Variants in IL1RL2 observed in about 807,000 individuals in gnomAD.
The protein encoded by IL1RL2 is interleukin 1 receptor like 2, also known as interleukin-1 receptor-like 2.
IL1RL2 carries 68 observed loss-of-function variants against 66.8 expected under a neutral mutation model. That is an observed-to-expected ratio of 1.02 (90% CI 0.84 to 1.25). The LOEUF is 1.25. IL1RL2 is among the 50% of genes most tolerant of loss of function. The pLI, the probability that IL1RL2 is intolerant of heterozygous loss-of-function variation, is 0.00. For missense variants in IL1RL2, 729 were observed against 709.3 expected (o/e 1.03, Z -0.32); for synonymous variants, 305 against 264.6 (o/e 1.15, Z -1.48).
chr2:102,194,441 C>T (rs1245464816), intron 4 of IL1RL2, among the ~76,000 whole-genome samples: 1 of 152,090 alleles, frequency 6.6e-6, no homozygotes, highest in Non-Finnish European at 1.5e-5. Context: ...TTTTGTGGGA[C>T]ATATTACATG....
rs1314109024 is a variant in IL1RL2, at chr2:102,201,775, T to C, written c.649+60T>C. 1.9e-6 allele frequency: 3 copies of C among 1,542,156 alleles called. No homozygotes were observed. In the East Asian group the frequency reaches 7.0e-5, roughly 36 times the overall value. ...TCTCTTGGCTTTGTGTGAACTGGCT[T>C]CTGGCTTTGGGTTTTGGGCTTTGAG... is the stretch of plus-strand genomic sequence containing the variant. On this transcript the variant is annotated intron_variant, in intron 5 of 11. Coordinates refer to ENST00000264257, the MANE Select transcript of IL1RL2 (RefSeq NM_003854.4).
At chr2:102,220,204 G>T (rs796893794) in intron 8 of IL1RL2, among the ~76,000 whole-genome samples, 187 bp downstream of exon 8, 5 of 152,254 alleles carry the variant, frequency 3.3e-5, no homozygotes, top group African/African-American at 1.2e-4. Context: ...GTGAGGCTGT[G>T]ATTTTATTGC....
At chr2:102,188,183 G>A (rs777504520) in intron 2 of IL1RL2, among the ~76,000 whole-genome samples, 1 of 152,224 alleles carries the variant, frequency 6.6e-6, no homozygotes, top group African/African-American at 2.4e-5. Flanking sequence ...GAAGACTTGA[G>A]TAACAATGCT....
At chr2:102,241,386 C>T (rs1266647978), downstream of IL1RL2, among the ~76,000 whole-genome samples, 2 of 152,134 alleles carry the variant, frequency 1.3e-5, no homozygotes, top group African/African-American at 4.8e-5. Context: ...CACAACTCAA[C>T]CACTTGCTGA....
At chr2:102,207,349 T>A (rs558835064) in intron 5 of IL1RL2, among the ~76,000 whole-genome samples, 7 of 152,168 alleles carry the variant, frequency 4.6e-5, no homozygotes, top group Non-Finnish European at 1.0e-4. Context: ...GTGCTCAGTC[T>A]CACCTAAAGC....
In IL1RL2 at chr2:102,239,529, G is replaced by A; in HGVS notation, c.*288G>A. 1 of 374,238 alleles carries A rather than the reference G, an allele frequency of 2.7e-6. No individual in the cohort carries two copies. The allele number at this position is 374,238 out of a possible 1,614,324, so 23.2% of individuals were successfully genotyped here. A position where few individuals can be genotyped will look rare whatever the true frequency, so the allele number is the denominator to read the frequency against. On this transcript the variant is annotated 3_prime_UTR_variant, in exon 12 of 12. Transcript: ENST00000264257. ...TCGGGGGAGGCATCCCCAAGTCATG[G>A]TGGGTGAGAGCTCGGAGCATCCCCA...
intron 11 of IL1RL2, among the ~76,000 whole-genome samples, chr2:102,236,776 G>A (rs1376553101): frequency 6.6e-6 from 1 of 152,042 alleles, no homozygotes; most frequent in East Asian, 1.9e-4. Flanking sequence ...TTGCTCTGAG[G>A]TAGGACATAA....
chr2:102,195,154 T>G lies in IL1RL2; in HGVS notation c.489+3034T>G, dbSNP rs375110690. Among the ~76,000 whole-genome samples, 114 of 152,316 alleles carry G rather than the reference T, an allele frequency of 7.5e-4. 2 individuals carry two copies. The highest frequency in any genetic ancestry group is 2.7e-3 in the African/African-American group (112 of 41,574). On this transcript the variant is annotated intron_variant, in intron 4 of 11. Transcript: ENST00000264257. Reference sequence around the variant, plus strand: ...CTCATTGATTTGTAGTAGTTCTTTATAGATCTGGATATCAGTAATTGTTAC... The same window carrying G: ...CTCATTGATTTGTAGTAGTTCTTTAGAGATCTGGATATCAGTAATTGTTAC...
intron 9 of IL1RL2, among the ~76,000 whole-genome samples, chr2:102,230,989 CA>C (rs1218731449): frequency 1.3e-5 from 2 of 152,166 alleles, no homozygotes; most frequent in Non-Finnish European, 2.9e-5. Context: ...TCTGCTCATC[CA>C]ACAAACTCTC....
rs146442035 is a variant in IL1RL2 at position 102,207,385 on chromosome 2, G to C, written c.650-4715G>C. ...CAGCAAGTTTCAGATGCTCACCCAA[G>C]GCATTCAATGTAATACCTGGATAAT... On this transcript the variant is annotated intron_variant, in intron 5 of 11. Transcript: ENST00000264257. Among the ~76,000 whole-genome samples the C allele has an allele frequency of 1.3e-4, 20 of 152,244 alleles. No homozygotes were observed. The East Asian group carries it at 3.7e-3, about 28-fold the overall frequency.
intron 5 of IL1RL2, among the ~76,000 whole-genome samples, chr2:102,204,725 A>C (rs1440471959): frequency 1.3e-5 from 2 of 151,632 alleles, no homozygotes; most frequent in African/African-American, 4.8e-5. Context: ...ATCTTTTTTC[A>C]TACCTTTATT....
chr2:102,209,679 C>T (rs17020717), intron 5 of IL1RL2, among the ~76,000 whole-genome samples: 42,672 of 151,968 alleles, frequency 0.28, 6,625 homozygotes, highest in East Asian at 0.39. Context: ...GGCCCTGGGA[C>T]GGTGCAAATG....
At chr2:102,236,362 C>T (rs1039311882) in intron 11 of IL1RL2, among the ~76,000 whole-genome samples, 5 of 152,020 alleles carry the variant, frequency 3.3e-5, no homozygotes, top group Admixed American at 6.6e-5. Flanking sequence ...GCATGGGGAG[C>T]AGGGTGGGTT....
At chr2:102,212,995 A>C (rs573362671) in intron 6 of IL1RL2, among the ~76,000 whole-genome samples, 10 of 152,098 alleles carry the variant, frequency 6.6e-5, no homozygotes, top group African/African-American at 1.5e-4. Flanking sequence ...CAAAACAAAA[A>C]AAATCACTAG....
chr2:102,210,107 G>A lies in IL1RL2; in HGVS notation c.650-1993G>A, dbSNP rs565921123. Among the ~76,000 whole-genome samples the A allele has an allele frequency of 9.3e-4, 141 of 152,272 alleles. 1 individual carries two copies. The highest frequency in any genetic ancestry group is 3.2e-3 in the African/African-American group (131 of 41,560). Reference sequence around the variant, plus strand: ...GGCCTCGTGAGAAAGCAGTGGCTCAGGGAAAGCTTTCTGATAATAGTGATG... The same window carrying A: ...GGCCTCGTGAGAAAGCAGTGGCTCAAGGAAAGCTTTCTGATAATAGTGATG... On this transcript the variant is annotated intron_variant, in intron 5 of 11. Coordinates refer to ENST00000264257, the MANE Select transcript of IL1RL2 (RefSeq NM_003854.4).
intron 5 of IL1RL2, among the ~76,000 whole-genome samples, chr2:102,205,660 C>T (rs1688642812): frequency 1.3e-5 from 2 of 152,122 alleles, no homozygotes; most frequent in Non-Finnish European, 2.9e-5. Context: ...TTTTAGAATC[C>T]TTTCTTTATC....
intron 11 of IL1RL2, chr2:102,235,945 C>T (rs1406110158): frequency 3.0e-6 from 3 of 985,264 alleles, no homozygotes; most frequent in Non-Finnish European, 3.6e-6. Context: ...CTTTATCTGT[C>T]AAACTAAAGC....
In IL1RL2 at chr2:102,235,096, G is replaced by C. The variant is rs1025708679; in HGVS notation, c.1497G>C (p.Glu499Asp). 1.2e-6 allele frequency: 2 copies of C among 1,614,252 alleles called. No homozygotes were observed. The highest frequency in any genetic ancestry group is 1.7e-6 in the Non-Finnish European group (2 of 1,180,054). ...TCGAGGACTACACAGTCATGCCAGA[G>C]TCAATTCAGTACATCAAACAGAAGC... ...EKIEDYTVMP[E>D]SIQYIKQKHG... Residue 499 changes from glutamate to aspartate, a missense_variant, in exon 11 of 12, where the codon GAG (glutamate) becomes GAC (aspartate). Coordinates refer to ENST00000264257, the MANE Select transcript of IL1RL2 (RefSeq NM_003854.4).
chr2:102,215,494 C>T (rs1267373402), intron 6 of IL1RL2, among the ~76,000 whole-genome samples: 1 of 152,152 alleles, frequency 6.6e-6, no homozygotes, highest in Non-Finnish European at 1.5e-5. Flanking sequence ...CAGTCCTGCA[C>T]AACTGGGGAA....
Sources: allele counts gnomAD v4.1 joint callset (sites outside exome capture counted in the v4.1 genomes callset), GRCh38; gene constraint gnomAD v4.1.1; transcripts MANE v1.5; gene names NCBI Gene and HGNC (gene_info 2026-07-23, HGNC 2026-07-21).